CSMD1: variants seen among roughly 807,000 people sequenced by gnomAD.
The protein encoded by CSMD1 is CUB and sushi domain-containing protein 1.
In CSMD1, 213 loss-of-function variants were observed where a neutral mutation model predicts 417.5. The observed-to-expected ratio is 0.51, with a 90% CI of 0.46 to 0.57. The LOEUF (loss-of-function observed/expected upper bound fraction) is 0.57. Ranked by LOEUF, CSMD1 falls within the 20% of genes least tolerant of loss-of-function variation. The probability of loss-of-function intolerance (pLI) is 0.00; values close to 1 mark genes in which losing one functional copy is unlikely to be tolerated. For missense variants in CSMD1, 6,923 were observed against 4,529.7 expected, an observed-to-expected ratio of 1.53 and a Z score of -15.17; for synonymous variants, 2,862 against 1,736.8, an observed-to-expected ratio of 1.65 and a Z score of -16.11.
chr8:4,635,879 G>A (rs1195372143), intron 2 of CSMD1, among the ~76,000 whole-genome samples: 1 of 151,766 alleles, frequency 6.6e-6, no homozygotes, highest in Non-Finnish European at 1.5e-5. Context: ...GAAAAGAGAC[G>A]GCCATTCTAC....
At chr8:4,403,169 A>T (rs571910201) in intron 3 of CSMD1, among the ~76,000 whole-genome samples, 83 of 152,238 alleles carry the variant, frequency 5.5e-4, no homozygotes, top group African/African-American at 1.9e-3. Flanking sequence ...CTTTTACATA[A>T]GACATTAGTC....
intron 3 of CSMD1, among the ~76,000 whole-genome samples, chr8:4,077,407 CTT>C (rs753537550): frequency 6.6e-6 from 1 of 150,428 alleles, no homozygotes; most frequent in Admixed American, 6.7e-5. Flanking sequence ...ATAATAAGCT[CTT>C]AATAATTTTT....
intron 26 of CSMD1, among the ~76,000 whole-genome samples, chr8:3,245,748 A>G (rs550518164): frequency 6.6e-6 from 1 of 152,284 alleles, no homozygotes; most frequent in Non-Finnish European, 1.5e-5. Context: ...TTCTGGGTGG[A>G]TCTAGAACGG....
At chr8:4,207,431 A>G (rs1800046055) in intron 3 of CSMD1, among the ~76,000 whole-genome samples, 2 of 150,674 alleles carry the variant, frequency 1.3e-5, no homozygotes, top group Admixed American at 6.6e-5. Flanking sequence ...TCAACCAACT[A>G]TTTTACAGTC....
In CSMD1 at chr8:3,923,091, C is replaced by T. The variant is rs543841428; in HGVS notation, c.818+74812G>A. On this transcript the variant is annotated intron_variant, in intron 5 of 69. Coordinates refer to ENST00000635120, the MANE Select transcript of CSMD1 (RefSeq NM_033225.6). ...TTCCTGGAGCCCAGTTGCGAAGGGC[C>T]CTTGTGACTGGGACTCATGCCAAAC... 3.9e-5 allele frequency among the ~76,000 whole-genome samples: 6 copies of T among 152,182 alleles called. No individual in the cohort carries two copies. The East Asian group carries it at 5.8e-4, about 15-fold the overall frequency.
intron 54 of CSMD1, 36 bp from the exon 55 acceptor site, chr8:2,978,836 C>A (rs779427956): frequency 6.5e-7 from 1 of 1,528,334 alleles, no homozygotes; most frequent in South Asian, 1.3e-5. Context: ...CATTTAGAAA[C>A]AGCTAGAAAT....
At chr8:3,678,116 A>C (rs536706073) in intron 7 of CSMD1, among the ~76,000 whole-genome samples, 1 of 152,330 alleles carries the variant, frequency 6.6e-6, no homozygotes, top group Non-Finnish European at 1.5e-5. Flanking sequence ...GCGACGCAGA[A>C]GACAGGTGAT....
At chr8:4,150,580 G>T (rs1012679025) in intron 3 of CSMD1, among the ~76,000 whole-genome samples, 2 of 152,168 alleles carry the variant, frequency 1.3e-5, no homozygotes, top group Non-Finnish European at 2.9e-5. Context: ...CATAACTCAG[G>T]TACAGGTAAA....
chr8:4,201,733 A>G (rs1180045061), intron 3 of CSMD1, among the ~76,000 whole-genome samples: 1 of 152,096 alleles, frequency 6.6e-6, no homozygotes, highest in Non-Finnish European at 1.5e-5. Flanking sequence ...TTTGAAAAAC[A>G]TGATGATTGG....
At chr8:3,752,709 T>C (rs1421658892) in intron 6 of CSMD1, among the ~76,000 whole-genome samples, 1 of 137,774 alleles carries the variant, frequency 7.3e-6, no homozygotes, top group Non-Finnish European at 1.5e-5. Flanking sequence ...AAAAAACATA[T>C]TTTGTTGAAA....
At chr8:3,529,547 C>G (rs1254887077) in intron 10 of CSMD1, among the ~76,000 whole-genome samples, 1 of 152,116 alleles carries the variant, frequency 6.6e-6, no homozygotes, top group East Asian at 1.9e-4. Context: ...ATTTAACTAC[C>G]TTTTCCAAGA....
chr8:3,544,895 G>A (rs1429238714), intron 10 of CSMD1, among the ~76,000 whole-genome samples: 1 of 152,184 alleles, frequency 6.6e-6, no homozygotes, highest in Non-Finnish European at 1.5e-5. Flanking sequence ...TTATTTCTAT[G>A]AATTAATACC....
intron 50 of CSMD1, among the ~76,000 whole-genome samples, chr8:3,031,099 C>T (rs1810311744): frequency 6.6e-6 from 1 of 151,782 alleles, no homozygotes; most frequent in African/African-American, 2.4e-5. Flanking sequence ...AGCCAAAATA[C>T]TCTTACAATT....
At chr8:4,650,910 C>G (rs1563068549) in intron 1 of CSMD1, among the ~76,000 whole-genome samples, 1 of 152,128 alleles carries the variant, frequency 6.6e-6, no homozygotes, top group Admixed American at 6.5e-5. Context: ...CAGGATAATA[C>G]TATTCTTATT....
chr8:3,477,380 A>T (rs1439037565), intron 11 of CSMD1, among the ~76,000 whole-genome samples: 1 of 152,240 alleles, frequency 6.6e-6, no homozygotes, highest in South Asian at 2.1e-4. Flanking sequence ...ATGTTCCTTT[A>T]ATGTCCACGA....
At chr8:4,073,232 T>A (rs918083474) in intron 3 of CSMD1, among the ~76,000 whole-genome samples, 2 of 152,040 alleles carry the variant, frequency 1.3e-5, no homozygotes, top group Non-Finnish European at 2.9e-5. Flanking sequence ...TAAAAAGCAA[T>A]AGGTGCATTA....
intron 2 of CSMD1, among the ~76,000 whole-genome samples, chr8:4,499,559 T>A (rs990106388): frequency 2.6e-5 from 4 of 152,208 alleles, no homozygotes; most frequent in African/African-American, 9.6e-5. Flanking sequence ...CGATAACATA[T>A]AAGAGGGCAA....
intron 5 of CSMD1, among the ~76,000 whole-genome samples, chr8:3,829,535 T>C (rs942928297): frequency 6.6e-6 from 1 of 152,154 alleles, no homozygotes; most frequent in Non-Finnish European, 1.5e-5. Context: ...CATGATTACA[T>C]GAGTTTGGGA....
At chr8:4,903,115 T>C (rs561832417) in intron 1 of CSMD1, among the ~76,000 whole-genome samples, 16 of 152,238 alleles carry the variant, frequency 1.1e-4, no homozygotes, top group African/African-American at 3.6e-4. Flanking sequence ...GATATGAACT[T>C]ACCTTTGCTC....
Sources: gnomAD v4.1 joint callset for allele counts (sites outside exome capture counted in the v4.1 genomes callset) on GRCh38, gnomAD v4.1.1 for gene constraint, MANE v1.5 for transcripts, NCBI Gene and HGNC (gene_info 2026-07-23, HGNC 2026-07-21) for gene names.